Variants in COG4 observed in about 807,000 individuals in gnomAD.
COG4 encodes conserved oligomeric Golgi complex subunit 4.
A neutral mutation model predicts 95.1 loss-of-function variants in COG4; 65 were observed. The observed-to-expected ratio is 0.68, with a 90% CI of 0.56 to 0.84. The LOEUF is 0.84. Ranked by LOEUF, COG4 falls within the 40% of genes least tolerant of loss-of-function variation. The pLI, the probability that COG4 is intolerant of heterozygous loss-of-function variation, is 0.00. For synonymous variants in COG4, 421 were observed against 374.8 expected (o/e 1.12, Z -1.42); for missense variants, 1,045 against 989.1 (o/e 1.06, Z -0.76).
In COG4 at chr16:70,514,427, C is replaced by A; in HGVS notation, c.452G>T (p.Arg151Met). The change falls in exon 4 of 19, where the codon AGG becomes ATG. Residue 151 changes from arginine (R) to methionine (M), a missense_variant. Transcript: ENST00000323786. ...FCMDGVQTAL[R>M]SEDYEQAAAH... The stretch of plus-strand genomic sequence containing the variant: ...TGCAGCCTGCTCATAATCTTCACTC[C>A]TCAAAGCAGTCTGAACTCCATCCAT... 2 of 1,614,064 alleles carry A rather than the reference C, an allele frequency of 1.2e-6. No homozygotes were observed. Among genetic ancestry groups the A allele is most frequent in the Non-Finnish European group, 1.7e-6 (2 of 1,179,942 alleles).
intron 8 of COG4, among the ~76,000 whole-genome samples, chr16:70,507,281 A>C (rs1412508402): frequency 3.3e-5 from 5 of 151,848 alleles, no homozygotes; most frequent in African/African-American, 1.2e-4. Context: ...ACAAAAAAAA[A>C]CTGTATCGGT....
chr16:70,516,081 C>T, intron 3 of COG4: 1 of 455,886 alleles, frequency 2.2e-6, no homozygotes, highest in Non-Finnish European at 4.4e-6. Context: ...ATGTTTTCTT[C>T]TGAGTCTATG....
chr16:70,517,444 T>A lies in COG4; in HGVS notation c.369+182A>T, dbSNP rs74533871. Among the ~76,000 whole-genome samples the A allele has an allele frequency of 0.035, 5,357 of 151,772 alleles. 322 individuals are homozygous for A. Among genetic ancestry groups the A allele is most frequent in the African/African-American group, 0.12 (5,045 of 41,394 alleles). On this transcript the variant is annotated intron_variant, in intron 3 of 18. Coordinates refer to ENST00000323786, the MANE Select transcript of COG4 (RefSeq NM_015386.3). The stretch of plus-strand genomic sequence containing the variant: ...CTCTACAAAAAATACAAAAACTAGC[T>A]GGGCATAGTGGTGGATGCCCGTAGT...
chr16:70,491,919 C>T (rs1366112452), intron 12 of COG4, among the ~76,000 whole-genome samples: 2 of 151,794 alleles, frequency 1.3e-5, no homozygotes, highest in Admixed American at 1.3e-4. Context: ...ATGTGCCAGG[C>T]ACAGTTCTAG....
chr16:70,522,451 T>C (rs1479745759), intron 1 of COG4, among the ~76,000 whole-genome samples: 2 of 152,126 alleles, frequency 1.3e-5, no homozygotes, highest in Non-Finnish European at 2.9e-5. Flanking sequence ...GCCCTGTTTC[T>C]AAAAATAACA....
chr16:70,492,632 G>C (rs1567726931), intron 12 of COG4, among the ~76,000 whole-genome samples: 1 of 148,682 alleles, frequency 6.7e-6, no homozygotes, highest in Non-Finnish European at 1.5e-5. Flanking sequence ...TTGCACTCCA[G>C]CCTGTGCAAC....
intron 11 of COG4, 115 bp from the exon 12 acceptor site, chr16:70,496,546 A>C: frequency 9.5e-7 from 1 of 1,050,420 alleles, no homozygotes; most frequent in Non-Finnish European, 1.4e-6. Flanking sequence ...TAGGGGGAAT[A>C]ACCAGTCCTT....
At chr16:70,511,733 G>C (rs2049711551) in intron 5 of COG4, among the ~76,000 whole-genome samples, 1 of 151,960 alleles carries the variant, frequency 6.6e-6, no homozygotes, top group Non-Finnish European at 1.5e-5. Flanking sequence ...GGGAGTTCGA[G>C]ACTAGCCTGA....
At chr16:70,501,208 T>G (rs957051114) in intron 8 of COG4, 117 bp from the exon 9 acceptor site, 3 of 1,154,752 alleles carry the variant, frequency 2.6e-6, no homozygotes, top group Non-Finnish European at 3.8e-6. Flanking sequence ...GGAAAAGCTC[T>G]GCCAGATGGC....
Position 70,508,558 on chromosome 16 carries a change from T to C in COG4, c.1003-94A>G, listed in dbSNP as rs771483500. ...TCCAAACTTTTGGCATACAAGAACA[T>C]TTAGATTTAGTTTGTTTACCAGGTT... is the stretch of plus-strand genomic sequence containing the variant. On this transcript the variant is annotated intron_variant, in intron 7 of 18. Coordinates refer to ENST00000323786, the MANE Select transcript of COG4 (RefSeq NM_015386.3). The C allele has an allele frequency of 7.4e-5, 81 of 1,091,236 alleles. 1 individual carries two copies. Among genetic ancestry groups the C allele is most frequent in the Middle Eastern group, 2.0e-4 (1 of 5,036 alleles). The allele number at this position is 1,091,236 out of a possible 1,614,324, so 67.6% of individuals were successfully genotyped here. A position where few individuals can be genotyped will look rare whatever the true frequency, so the allele number is the denominator to read the frequency against.
At chr16:70,509,867 G>A in intron 6 of COG4, 49 bp downstream of exon 6, 3 of 1,357,452 alleles carry the variant, frequency 2.2e-6, no homozygotes, top group Non-Finnish European at 3.2e-6. Flanking sequence ...CTAGGATGCA[G>A]GTGTCATATA....
chr16:70,519,253 G>A (rs2049886685), intron 2 of COG4, among the ~76,000 whole-genome samples: 1 of 87,046 alleles, frequency 1.1e-5, no homozygotes. Flanking sequence ...TCAGCCTCCC[G>A]AGTAGCTGGG....
chr16:70,511,291 A>ATATTGTT (rs1480511143), intron 5 of COG4, among the ~76,000 whole-genome samples: 1 of 101,908 alleles, frequency 9.8e-6, no homozygotes, highest in Non-Finnish European at 1.7e-5. Context: ...GAATGACAAC[A>ATATTGTT]TATTGTTTTG....
intron 3 of COG4, chr16:70,515,946 G>C: frequency 4.4e-6 from 2 of 455,022 alleles, no homozygotes; most frequent in Admixed American, 4.7e-5. Flanking sequence ...TAGGATTGCA[G>C]GCATGAGCCA....
At chr16:70,495,967 A>G (rs1276665834) in intron 12 of COG4, among the ~76,000 whole-genome samples, 1 of 152,194 alleles carries the variant, frequency 6.6e-6, no homozygotes, top group Non-Finnish European at 1.5e-5. Flanking sequence ...GGCAGATGCA[A>G]GCCAAGCTTG....
intron 5 of COG4, among the ~76,000 whole-genome samples, chr16:70,510,222 A>T (rs1312002801): frequency 6.6e-6 from 1 of 152,246 alleles, no homozygotes. Context: ...AGCATGGTGT[A>T]GCTCCTCTTC....
At chr16:70,514,808 G>A (rs1044036793) in intron 3 of COG4, among the ~76,000 whole-genome samples, 1 of 151,844 alleles carries the variant, frequency 6.6e-6, no homozygotes, top group African/African-American at 2.4e-5. Flanking sequence ...CTGCCTCCTG[G>A]GCCTAAGCTA....
chr16:70,503,606 T>A (rs1245269733), intron 8 of COG4, among the ~76,000 whole-genome samples: 1 of 122,166 alleles, frequency 8.2e-6, no homozygotes, highest in Non-Finnish European at 1.5e-5. Flanking sequence ...TTTTTTTTTT[T>A]TTTTTTGAGA....
intron 11 of COG4, among the ~76,000 whole-genome samples, 172 bp downstream of exon 11, chr16:70,497,049 T>C (rs945455559): frequency 1.3e-5 from 2 of 152,156 alleles, no homozygotes; most frequent in African/African-American, 2.4e-5. Flanking sequence ...CCATGAGATA[T>C]ATGGCTGACC....
Sources: allele counts gnomAD v4.1 joint callset (sites outside exome capture counted in the v4.1 genomes callset), GRCh38; gene constraint gnomAD v4.1.1; transcripts MANE v1.5; gene names NCBI Gene and HGNC (gene_info 2026-07-23, HGNC 2026-07-21).